Variants in GPHN observed in about 807,000 individuals in gnomAD.
GPHN encodes gephyrin.
In GPHN, 17 loss-of-function variants were observed where a neutral mutation model predicts 95.5. That is an observed-to-expected ratio of 0.18 (90% CI 0.12 to 0.27). The LOEUF is 0.27. Among genes scored for constraint, GPHN ranks in the 10% least tolerant of loss-of-function variants. GPHN has a pLI of 1.00. For synonymous variants in GPHN, 320 were observed against 322.5 expected, an observed-to-expected ratio of 0.99 and a Z score of 0.08; for missense variants, 660 against 978.1, an observed-to-expected ratio of 0.67 and a Z score of 4.34.
At chr14:67,687,392 C>T in the GPHN span, among the ~76,000 whole-genome samples, 23 of 148,624 alleles carry the variant, frequency 1.5e-4, no homozygotes, top group Non-Finnish European at 3.2e-4. Flanking sequence ...GTAACCTTCG[C>T]TGTTTCTCAA....
chr14:67,462,550 C>T, the GPHN span, among the ~76,000 whole-genome samples: 7 of 152,274 alleles, frequency 4.6e-5, no homozygotes, highest in Non-Finnish European at 1.0e-4. Context: ...TGCTATGTTG[C>T]CCAAGCTAGT....
intron 18 of GPHN, among the ~76,000 whole-genome samples, chr14:67,144,255 A>ATACATATATATATG (rs2080731067): frequency 1.4e-5 from 1 of 72,202 alleles, no homozygotes; most frequent in Non-Finnish European, 2.6e-5. Context: ...AAAAAAATAT[A>ATACATATATATATG]TATATATATA....
chr14:67,558,390 A>T, the GPHN span, among the ~76,000 whole-genome samples: 1 of 152,314 alleles, frequency 6.6e-6, no homozygotes, highest in African/African-American at 2.4e-5. Context: ...TAGGCCCTTA[A>T]TGGAGGTGCC....
intron 1 of GPHN, among the ~76,000 whole-genome samples, chr14:66,567,792 A>G (rs1566617637): frequency 6.6e-6 from 1 of 152,108 alleles, no homozygotes; most frequent in Non-Finnish European, 1.5e-5. Flanking sequence ...TTAGTGTTTA[A>G]CTTTATTTTG....
At chr14:67,634,676 A>T in the GPHN span, among the ~76,000 whole-genome samples, 5 of 152,086 alleles carry the variant, frequency 3.3e-5, no homozygotes, top group Non-Finnish European at 7.4e-5. Context: ...AAACCAGGAC[A>T]TCAGTAGATA....
At chr14:67,684,893 T>TA in the GPHN span, 1 of 697,876 alleles carries the variant, frequency 1.4e-6, no homozygotes, top group South Asian at 2.5e-5. Context: ...GTAAAAACTC[T>TA]AGAGTTAAAA....
chr14:66,686,158 T>G (rs2067346005), intron 2 of GPHN, among the ~76,000 whole-genome samples: 1 of 152,210 alleles, frequency 6.6e-6, no homozygotes, highest in Non-Finnish European at 1.5e-5. Context: ...AGCCTTGTAG[T>G]ATAGTTTGAA....
the GPHN span, among the ~76,000 whole-genome samples, chr14:67,193,291 C>CATCTATCTATATATCTCTATATAGAT: frequency 1.7e-5 from 2 of 118,108 alleles, no homozygotes; most frequent in South Asian, 6.0e-4. Context: ...TCTATATAGA[C>CATCTATCTATATATCTCTATATAGAT]ATCTATCTAT....
chr14:67,203,176 A>G, the GPHN span: 1 of 1,614,000 alleles, frequency 6.2e-7, no homozygotes, highest in Non-Finnish European at 8.5e-7. Flanking sequence ...AGCTCCACCC[A>G]CAAGATCCCC....
the GPHN span, chr14:67,208,126 T>C: frequency 2.5e-5 from 39 of 1,570,146 alleles, no homozygotes; most frequent in Admixed American, 6.8e-4. Flanking sequence ...GTGCCTGTAT[T>C]CGATACTGTT....
At position 67,136,503 on chromosome 14, in the gene GPHN, A is replaced by G. The variant is rs537756804; in HGVS notation, c.1749-6859A>G. On this transcript the variant is annotated intron_variant, in intron 17 of 22. Coordinates refer to ENST00000478722, the MANE Select transcript of GPHN (RefSeq NM_020806.5). ...CTTCTGGGTCAACCTAAAAAAATTT[A>G]TAGCTTTGCCCTTGATCTGGATCCC... Among the ~76,000 whole-genome samples, 190 of 152,332 alleles carry G rather than the reference A, an allele frequency of 1.2e-3. 1 individual carries two copies. Among genetic ancestry groups the G allele is most frequent in the African/African-American group, 4.4e-3 (185 of 41,576 alleles).
At chr14:67,565,959 A>AGT in the GPHN span, among the ~76,000 whole-genome samples, 1 of 152,142 alleles carries the variant, frequency 6.6e-6, no homozygotes, top group Non-Finnish European at 1.5e-5. Context: ...ATCTCTACTA[A>AGT]AAATACAAAA....
At chr14:67,538,522 G>A in the GPHN span, among the ~76,000 whole-genome samples, 1 of 152,222 alleles carries the variant, frequency 6.6e-6, no homozygotes, top group Non-Finnish European at 1.5e-5. Flanking sequence ...GGAGGTATAA[G>A]TGCAAGGTGA....
At chr14:66,721,518 A>T (rs12100903) in intron 2 of GPHN, among the ~76,000 whole-genome samples, 47,296 of 152,086 alleles carry the variant, frequency 0.31, 11,177 homozygotes, top group African/African-American at 0.64. Context: ...ATTTGACAGT[A>T]CTTCCTCTGT....
intron 3 of GPHN, among the ~76,000 whole-genome samples, chr14:66,778,030 C>A (rs375848464): frequency 0.012 from 1,767 of 151,190 alleles, 24 homozygotes; most frequent in African/African-American, 0.015. Context: ...GAGGAAGTCA[C>A]ATTGTCCCTG....
At chr14:66,508,923 G>C (rs1392270169) in intron 1 of GPHN, 4 of 380,658 alleles carry the variant, frequency 1.1e-5, no homozygotes. Flanking sequence ...GCGGGATCCC[G>C]GCTCCGCAGT....
At chr14:67,255,270 A>C in the GPHN span, among the ~76,000 whole-genome samples, 2 of 152,244 alleles carry the variant, frequency 1.3e-5, no homozygotes, top group African/African-American at 2.4e-5. Context: ...GAGTACATTG[A>C]GAGCAAAGCA....
intron 8 of GPHN, among the ~76,000 whole-genome samples, chr14:66,953,502 A>G (rs2153580248): frequency 6.6e-6 from 1 of 152,304 alleles, no homozygotes; most frequent in African/African-American, 2.4e-5. Context: ...ATTTTTGTGT[A>G]TGGTGTAAGG....
At chr14:67,574,150 T>A in the GPHN span, 1 of 1,178,990 alleles carries the variant, frequency 8.5e-7, no homozygotes, top group African/African-American at 1.5e-5. The surrounding 1 kb of genome is among the most constrained non-coding windows in gnomAD (Gnocchi z 4.2). Flanking sequence ...GCCAGCCCCT[T>A]GGGTTCAGGG....
Sources: gnomAD v4.1 joint callset for allele counts (sites outside exome capture counted in the v4.1 genomes callset) on GRCh38, gnomAD v4.1.1 for gene constraint, Gnocchi (gnomAD v3.1) non-coding constraint, MANE v1.5 for transcripts, NCBI Gene and HGNC (gene_info 2026-07-23, HGNC 2026-07-21) for gene names.